Variants in NAALADL2 observed in about 807,000 individuals in gnomAD.
The protein encoded by NAALADL2 is inactive N-acetylated-alpha-linked acidic dipeptidase-like protein 2.
In NAALADL2, 76 loss-of-function variants were observed where a neutral mutation model predicts 87.2. The observed-to-expected ratio is 0.87, with a 90% CI of 0.72 to 1.05. NAALADL2 has a LOEUF of 1.05. Ranked by LOEUF, NAALADL2 falls within the 50% of genes least tolerant of loss-of-function variation. The pLI, the probability that NAALADL2 is intolerant of heterozygous loss-of-function variation, is 0.00. For missense variants in NAALADL2, 1,089 were observed against 945.8 expected (o/e 1.15, Z -1.99); for synonymous variants, 354 against 331.0 (o/e 1.07, Z -0.75).
rs74764866 is a variant in NAALADL2 at position 175,464,881 on chromosome 3, T to C, written c.1327+1388T>C. Reference sequence around the variant, plus strand: ...CAAATTTCCATCATAAGGTTCTCAATTGAAGCACTAGAATATTTATTATCA... The same window carrying C: ...CAAATTTCCATCATAAGGTTCTCAACTGAAGCACTAGAATATTTATTATCA... On this transcript the variant is annotated intron_variant, in intron 7 of 13. Transcript: ENST00000454872. 1.1e-3 allele frequency among the ~76,000 whole-genome samples: 162 copies of C among 152,298 alleles called. 2 individuals are homozygous for C. The highest frequency in any genetic ancestry group is 3.6e-3 in the African/African-American group (151 of 41,568).
chr3:175,300,190 A>G (rs542563689), intron 4 of NAALADL2, among the ~76,000 whole-genome samples: 6 of 152,316 alleles, frequency 3.9e-5, no homozygotes, highest in African/African-American at 1.4e-4. Flanking sequence ...TCAGTTTGCC[A>G]GTATTTTATT....
intron 3 of NAALADL2, among the ~76,000 whole-genome samples, chr3:174,847,810 A>T (rs986881312): frequency 3.3e-5 from 5 of 149,466 alleles, no homozygotes; most frequent in African/African-American, 1.2e-4. Context: ...ATTTGAAAAA[A>T]AAAAAAAGCA....
intron 3 of NAALADL2, among the ~76,000 whole-genome samples, chr3:174,838,653 A>G (rs1198289964): frequency 6.6e-6 from 1 of 152,230 alleles, no homozygotes; most frequent in Non-Finnish European, 1.5e-5. Context: ...AAGTTTTCAG[A>G]TACAAAATTA....
At chr3:175,783,545 T>C (rs1751458923) in intron 13 of NAALADL2, among the ~76,000 whole-genome samples, 1 of 150,934 alleles carries the variant, frequency 6.6e-6, no homozygotes, top group Admixed American at 6.6e-5. Flanking sequence ...TTTTTGTACA[T>C]TGATTTTTTA....
rs144948663 is a variant in NAALADL2 at position 175,095,105 on chromosome 3, T to A, written c.44-1685T>A. Among the ~76,000 whole-genome samples, 601 of 152,108 alleles carry A rather than the reference T, an allele frequency of 4.0e-3. 5 individuals carry two copies. The highest frequency in any genetic ancestry group is 0.014 in the African/African-American group (567 of 41,536). On this transcript the variant is annotated intron_variant, in intron 1 of 13. Transcript: ENST00000454872. ...CAGCATCTTTGGCCCATGTGCGCTA[T>A]CCTCAGCCATAGAGTACCACTCTAG...
intron 2 of NAALADL2, among the ~76,000 whole-genome samples, chr3:175,232,627 G>T (rs1267505062): frequency 6.6e-6 from 1 of 152,152 alleles, no homozygotes; most frequent in Admixed American, 6.6e-5. Flanking sequence ...TTACGAATTT[G>T]CATTGGCCCA....
chr3:174,867,747 AAG>A (rs1438330031), intron 1 of NAALADL2, among the ~76,000 whole-genome samples: 1 of 152,126 alleles, frequency 6.6e-6, no homozygotes, highest in Admixed American at 6.6e-5. Flanking sequence ...CTTTAAATAA[AAG>A]AACCATTGGC....
intron 3 of NAALADL2, among the ~76,000 whole-genome samples, chr3:174,842,052 CTTTT>C (rs10575010): frequency 7.0e-6 from 1 of 142,448 alleles, no homozygotes. Context: ...TACATTTAAA[CTTTT>C]TTTTTTTTTT....
At chr3:175,241,634 C>T (rs924710394) in intron 3 of NAALADL2, among the ~76,000 whole-genome samples, 6 of 152,076 alleles carry the variant, frequency 3.9e-5, no homozygotes, top group African/African-American at 4.8e-5. Flanking sequence ...TTTACAAAAA[C>T]CATGATCTAA....
chr3:174,887,340 A>G (rs1188687670), intron 1 of NAALADL2, among the ~76,000 whole-genome samples: 1 of 152,236 alleles, frequency 6.6e-6, no homozygotes, highest in Non-Finnish European at 1.5e-5. Context: ...TAATTGATAT[A>G]TAAAGAGATT....
chr3:175,036,715 T>A (rs1441261085), intron 1 of NAALADL2, among the ~76,000 whole-genome samples: 1 of 152,056 alleles, frequency 6.6e-6, no homozygotes, highest in East Asian at 1.9e-4. Flanking sequence ...ACACACTTTT[T>A]TAACTTGATG....
chr3:175,681,746 T>C (rs1267237283), intron 11 of NAALADL2, among the ~76,000 whole-genome samples: 2 of 152,160 alleles, frequency 1.3e-5, no homozygotes, highest in Admixed American at 6.5e-5. Flanking sequence ...GTTTATTTCT[T>C]GTACAGTGTA....
intron 3 of NAALADL2, among the ~76,000 whole-genome samples, chr3:174,815,220 C>T (rs1457311830): frequency 1.3e-5 from 2 of 152,020 alleles, no homozygotes; most frequent in Non-Finnish European, 2.9e-5. Flanking sequence ...ATACCACAGA[C>T]TGGGTGGCTT....
At chr3:175,055,112 T>C (rs1469594267) in intron 1 of NAALADL2, among the ~76,000 whole-genome samples, 3 of 152,186 alleles carry the variant, frequency 2.0e-5, no homozygotes, top group Non-Finnish European at 2.9e-5. Flanking sequence ...CCCTGAATAG[T>C]TATTTCACAG....
In NAALADL2 at chr3:174,514,801, G is replaced by T. The variant is rs113751997; in HGVS notation, c.-183-35768G>T. ...AGACAATTTAGAAAATAACAGTACT[G>T]CTTTTTACTCAGTAAAAACTCTTTC... On this transcript the variant is annotated intron_variant, in intron 1 of 3. Transcript: ENST00000434257. Among the ~76,000 whole-genome samples the T allele has an allele frequency of 1.3e-3, 202 of 151,874 alleles. 1 individual carries two copies. Among genetic ancestry groups the T allele is most frequent in the African/African-American group, 4.8e-3 (199 of 41,430 alleles).
chr3:174,736,645 T>C (rs1023838075), intron 2 of NAALADL2, among the ~76,000 whole-genome samples: 1 of 152,084 alleles, frequency 6.6e-6, no homozygotes, highest in African/African-American at 2.4e-5. Flanking sequence ...AGGAAGTGCA[T>C]ACTGATTGGC....
At chr3:175,259,229 AAGAGT>A (rs1750601334) in intron 4 of NAALADL2, among the ~76,000 whole-genome samples, 1 of 152,202 alleles carries the variant, frequency 6.6e-6, no homozygotes, top group Non-Finnish European at 1.5e-5. Context: ...ACAGATAGGT[AAGAGT>A]ATAGTTAATA....
At chr3:175,771,648 T>C (rs565526641) in intron 13 of NAALADL2, among the ~76,000 whole-genome samples, 1 of 152,280 alleles carries the variant, frequency 6.6e-6, no homozygotes, top group South Asian at 2.1e-4. Context: ...CGTCTTTGTG[T>C]ATCTGTTTAA....
intron 5 of NAALADL2, among the ~76,000 whole-genome samples, chr3:175,346,686 C>T (rs73047288): frequency 0.062 from 9,371 of 152,140 alleles, 954 homozygotes; most frequent in African/African-American, 0.21. Flanking sequence ...CTGTGTGCTA[C>T]GCTTAAAATC....
Sources: allele counts gnomAD v4.1 joint callset (sites outside exome capture counted in the v4.1 genomes callset), GRCh38; gene constraint gnomAD v4.1.1; transcripts MANE v1.5; gene names NCBI Gene and HGNC (gene_info 2026-07-23, HGNC 2026-07-21).